IPP: variants seen among roughly 807,000 people sequenced by gnomAD.
IPP encodes actin-binding protein IPP.
IPP carries 41 observed loss-of-function variants against 64.1 expected under a neutral mutation model. The ratio of observed to expected loss-of-function variants is 0.64; its 90% CI spans 0.50 to 0.83. The LOEUF (loss-of-function observed/expected upper bound fraction) is 0.83. Ranked by LOEUF, IPP falls within the 40% of genes least tolerant of loss-of-function variation. IPP has a pLI of 0.00. For synonymous variants in IPP, 214 were observed against 235.2 expected (o/e 0.91, Z 0.83); for missense variants, 649 against 703.0 (o/e 0.92, Z 0.87).
chr1:45,724,904 C>T (rs1401005609), intron 5 of IPP, among the ~76,000 whole-genome samples: 8 of 148,520 alleles, frequency 5.4e-5, no homozygotes, highest in Non-Finnish European at 9.0e-5. Context: ...GGTCAGCCCC[C>T]CGCCCGGCCA....
At chr1:45,747,897 GAATA>G (rs1646162308) in intron 1 of IPP, among the ~76,000 whole-genome samples, 1 of 140,900 alleles carries the variant, frequency 7.1e-6, no homozygotes, top group African/African-American at 2.7e-5. Flanking sequence ...AAGACATATG[GAATA>G]GCACAGGGAA....
Position 45,700,207 on chromosome 1 carries a change from A to G in IPP, c.1531-17T>C, listed in dbSNP as rs1645434263. The G allele has an allele frequency of 6.3e-7, 1 of 1,595,992 alleles. No individual in the cohort carries two copies. The highest frequency in any genetic ancestry group is 2.2e-5 in the East Asian group (1 of 44,760). ...CCACTTTTCCTGGTTAAGAGAGAAA[A>G]AAAAAATATGTTAGCAGTGTTATGA... On this transcript the variant is annotated splice_polypyrimidine_tract_variant and intron_variant, in intron 8 of 8. Coordinates refer to ENST00000396478, the MANE Select transcript of IPP (RefSeq NM_005897.3).
downstream of IPP, chr1:45,697,103 T>C (rs1645394131): frequency 6.6e-6 from 1 of 152,246 alleles, no homozygotes; most frequent in South Asian, 2.1e-4. Context: ...TACAGATCTC[T>C]ACACAGACAT....
intron 8 of IPP, among the ~76,000 whole-genome samples, chr1:45,712,853 CA>C (rs1278794122): frequency 1.9e-4 from 15 of 77,550 alleles, no homozygotes; most frequent in East Asian, 7.8e-4. Flanking sequence ...GACTCTATCT[CA>C]AAAAAAAAAA....
In IPP at chr1:45,707,581, A is replaced by G. The variant is rs1366236663; in HGVS notation, c.1530+6665T>C. ...TACAATATCTAAAATGAAAAATTCCATAGATGGGATTGGACACTGCGAACT... is the reference window on the plus strand; with the variant it reads ...TACAATATCTAAAATGAAAAATTCCGTAGATGGGATTGGACACTGCGAACT... On this transcript the variant is annotated intron_variant, in intron 8 of 8. Transcript: ENST00000396478. Among the ~76,000 whole-genome samples, 3 of 152,236 alleles carry G rather than the reference A, an allele frequency of 2.0e-5. No individual in the cohort carries two copies. The East Asian group carries it at 5.8e-4, about 29-fold the overall frequency.
intron 5 of IPP, among the ~76,000 whole-genome samples, chr1:45,721,770 G>A (rs954377976): frequency 6.6e-6 from 1 of 152,208 alleles, no homozygotes; most frequent in African/African-American, 2.4e-5. Context: ...CTTCTTGAAA[G>A]AAGAAATCCG....
chr1:45,748,131 T>C (rs1323090042), intron 1 of IPP, among the ~76,000 whole-genome samples: 1 of 152,154 alleles, frequency 6.6e-6, no homozygotes, highest in African/African-American at 2.4e-5. Context: ...CATATCACCA[T>C]CTACAGAATA....
Position 45,750,598 on chromosome 1 carries a change from C to G in IPP, c.-52G>C, listed in dbSNP as rs1481346852. The G allele has an allele frequency of 6.6e-6, 1 of 152,448 alleles. No individual in the cohort carries two copies. The highest frequency in any genetic ancestry group is 1.5e-5 in the Non-Finnish European group (1 of 68,208). 9.4% of individuals were successfully genotyped at this position (152,448 alleles called of 1,614,324 possible). ...CGCCCGAACGCAGGCCCTCCTTACC[C>G]GCCGCTTCCCCTTCCCTCCGGCGCC... On this transcript the variant is annotated splice_region_variant and 5_prime_UTR_variant, in exon 1 of 9. Transcript: ENST00000396478.
At chr1:45,725,678 C>T (rs1335809228) in intron 5 of IPP, among the ~76,000 whole-genome samples, 1 of 139,746 alleles carries the variant, frequency 7.2e-6, no homozygotes, top group Admixed American at 7.2e-5. Context: ...ATTGAGAAAT[C>T]GGATGGTTGC....
chr1:45,700,209 A>C lies in IPP; in HGVS notation c.1531-19T>G. The C allele has an allele frequency of 1.3e-6, 2 of 1,596,314 alleles. No individual in the cohort carries two copies. The highest frequency in any genetic ancestry group is 1.7e-6 in the Non-Finnish European group (2 of 1,173,978). On this transcript the variant is annotated intron_variant, in intron 8 of 8. Transcript: ENST00000396478. ...ACTTTTCCTGGTTAAGAGAGAAAAA[A>C]AAAATATGTTAGCAGTGTTATGAAA...
At chr1:45,749,560 G>A (rs1312509400) in intron 1 of IPP, among the ~76,000 whole-genome samples, 7 of 134,942 alleles carry the variant, frequency 5.2e-5, no homozygotes, top group African/African-American at 1.4e-4. Context: ...TCGCTCTGTC[G>A]CCCAGGCTGG....
downstream of IPP, among the ~76,000 whole-genome samples, chr1:45,696,174 A>G (rs536415016): frequency 7.9e-5 from 12 of 152,360 alleles, no homozygotes; most frequent in South Asian, 2.5e-3. Context: ...TTACTTAAAA[A>G]TGCTATTTTT....
intron 5 of IPP, among the ~76,000 whole-genome samples, chr1:45,721,880 C>G (rs571054752): frequency 3.9e-5 from 6 of 152,168 alleles, no homozygotes; most frequent in African/African-American, 1.4e-4. Flanking sequence ...ACCAGCCTGA[C>G]CAACATGGTG....
At position 45,747,890 on chromosome 1, in the gene IPP, A is replaced by G. The variant is rs559736030; in HGVS notation, c.-50-1429T>C. On this transcript the variant is annotated intron_variant, in intron 1 of 8. Transcript: ENST00000396478. ...AAACCATGAGATCCTGTAATATAAG[A>G]CATATGGAATAGCACAGGGAAATTT... Among the ~76,000 whole-genome samples, 3 of 150,546 alleles carry G rather than the reference A, an allele frequency of 2.0e-5. No individual in the cohort carries two copies. The East Asian group carries it at 5.9e-4, about 29-fold the overall frequency.
Position 45,719,758 on chromosome 1 carries a change from C to T in IPP, c.1049-418G>A, listed in dbSNP as rs536452428. ...TTCTTTTTTTGGAGACGGAGTCTCG[C>T]TCTGTCGCCCAGGCTGGAGTGCAGT... On this transcript the variant is annotated intron_variant, in intron 5 of 8. Transcript: ENST00000396478. Among the ~76,000 whole-genome samples, 18 of 152,316 alleles carry T rather than the reference C, an allele frequency of 1.2e-4. No homozygotes were observed. The East Asian group carries it at 3.5e-3, about 29-fold the overall frequency.
At chr1:45,724,444 T>C (rs1294348607) in intron 5 of IPP, among the ~76,000 whole-genome samples, 1 of 150,908 alleles carries the variant, frequency 6.6e-6, no homozygotes, top group Non-Finnish European at 1.5e-5. Flanking sequence ...CCGCCCATCG[T>C]CTGGGATGTG....
rs1645628414 is a variant in IPP, at chr1:45,714,268, A to G, written c.1508T>C (p.Val503Ala). The G allele has an allele frequency of 6.2e-7, 1 of 1,612,908 alleles. No homozygotes were observed. The highest frequency in any genetic ancestry group is 1.1e-5 in the South Asian group (1 of 91,054). ...WNETQDALHTVEKYSFEEEKW... is the reference protein window; with the variant it reads ...WNETQDALHTAEKYSFEEEKW... Reference sequence around the variant, plus strand: ...TACCTCTTCAAAGGAATATTTTTCTACAGTATGAAGAGCATCTTGGGTCTC... The same window carrying G: ...TACCTCTTCAAAGGAATATTTTTCTGCAGTATGAAGAGCATCTTGGGTCTC... The change falls in exon 8 of 9, where the codon GTA (valine) becomes GCA (alanine). Residue 503 changes from valine (V) to alanine (A), a missense_variant. Transcript: ENST00000396478.
At position 45,746,199 on chromosome 1, in the gene IPP, T is replaced by C. The variant is rs761322994; in HGVS notation, c.213A>G (p.Lys71=). The part of the protein sequence containing the change: ...YFAALFTGGM[K]ESSKDVVPIL... ...TCGGTACAACATCTTTTGAGGACTC[T>C]TTCATTCCTCCAGTGAACAAAGCTG... is the stretch of plus-strand genomic sequence containing the variant. The change falls in exon 2 of 9, where the codon AAA becomes AAG. Residue 71 remains lysine, a synonymous_variant. Coordinates refer to ENST00000396478, the MANE Select transcript of IPP (RefSeq NM_005897.3). 6.2e-7 allele frequency: 1 copy of C among 1,614,100 alleles called. No homozygotes were observed. The highest frequency in any genetic ancestry group is 1.1e-5 in the South Asian group (1 of 91,090).
intron 3 of IPP, 71 bp downstream of exon 3, chr1:45,740,830 C>G (rs1646052931): frequency 2.0e-6 from 2 of 984,756 alleles, no homozygotes; most frequent in African/African-American, 3.3e-5. Context: ...AATGAAAACA[C>G]TCTCCCACAT....
Sources: gnomAD v4.1 joint callset for allele counts (sites outside exome capture counted in the v4.1 genomes callset) on GRCh38, gnomAD v4.1.1 for gene constraint, MANE v1.5 for transcripts, NCBI Gene and HGNC (gene_info 2026-07-23, HGNC 2026-07-21) for gene names.